SLC12A8: variants seen among roughly 807,000 people sequenced by gnomAD.
SLC12A8 encodes the protein cation-chloride cotransporter 9.
In SLC12A8, 69 loss-of-function variants were observed where a neutral mutation model predicts 75.6. That is an observed-to-expected ratio of 0.91 (90% CI 0.75 to 1.11). SLC12A8 has a LOEUF of 1.11. Ranked by LOEUF, SLC12A8 falls within the 50% of genes most tolerant of loss-of-function variation. The probability of loss-of-function intolerance (pLI) is 0.00; values close to 1 mark genes in which losing one functional copy is unlikely to be tolerated. For missense variants in SLC12A8, 877 were observed against 896.7 expected (o/e 0.98, Z 0.28); for synonymous variants, 365 against 372.8 (o/e 0.98, Z 0.24).
intron 5 of SLC12A8, among the ~76,000 whole-genome samples, chr3:125,169,984 A>G (rs890097779): frequency 6.9e-6 from 1 of 145,072 alleles, no homozygotes; most frequent in Non-Finnish European, 1.5e-5. Context: ...TAGAAAGCAA[A>G]AACAGGGAAA....
chr3:125,178,064 C>G, intron 4 of SLC12A8, 90 bp from the exon 5 acceptor site: 1 of 1,044,916 alleles, frequency 9.6e-7, no homozygotes, highest in Non-Finnish European at 1.4e-6. Flanking sequence ...CCCTGCACCC[C>G]CATCGGACAC....
intron 5 of SLC12A8, among the ~76,000 whole-genome samples, chr3:125,140,821 G>A (rs1933612968): frequency 6.6e-6 from 1 of 152,060 alleles, no homozygotes; most frequent in African/African-American, 2.4e-5. Flanking sequence ...CCAGCCTCGA[G>A]CAACCCTCCC....
In SLC12A8 at chr3:125,118,866, C is replaced by A. The variant is rs780965237; in HGVS notation, c.825-10G>T. Reference sequence around the variant, plus strand: ...GATGTACAGAAACCACCTGCAAAACCCAAGAGCAGAACAGAGCTGCCCCCG... The same window carrying A: ...GATGTACAGAAACCACCTGCAAAACACAAGAGCAGAACAGAGCTGCCCCCG... On this transcript the variant is annotated splice_polypyrimidine_tract_variant and intron_variant, in intron 7 of 13. Transcript: ENST00000469902. 1 of 1,602,830 alleles carries A rather than the reference C, an allele frequency of 6.2e-7. No homozygotes were observed.
chr3:125,083,839 G>A lies in SLC12A8; in HGVS notation c.*51C>T, dbSNP rs1391748116. On this transcript the variant is annotated 3_prime_UTR_variant, in exon 14 of 14. Coordinates refer to ENST00000469902, the MANE Select transcript of SLC12A8 (RefSeq NM_024628.6). ...CAGCTCCACGAAGGTCCTGAGCTTG[G>A]GTCCACTGTACATGGGACAGCTCCA... is the stretch of plus-strand genomic sequence containing the variant. The A allele has an allele frequency of 5.1e-6, 8 of 1,562,714 alleles. 1 individual carries two copies. Among genetic ancestry groups the A allele is most frequent in the South Asian group, 4.7e-5 (4 of 84,934 alleles).
chr3:125,190,103 T>A (rs1413119860), intron 3 of SLC12A8, among the ~76,000 whole-genome samples: 1 of 152,224 alleles, frequency 6.6e-6, no homozygotes, highest in Admixed American at 6.5e-5. Flanking sequence ...CTGACCCATC[T>A]CAAGTCCGGC....
At chr3:125,099,967 A>G (rs111955350) in intron 10 of SLC12A8, among the ~76,000 whole-genome samples, 10,396 of 152,256 alleles carry the variant, frequency 0.068, 553 homozygotes, top group African/African-American at 0.15. Flanking sequence ...ATAAAAAAGA[A>G]CCAAATGAAA....
chr3:125,187,549 G>A (rs1333177704), intron 3 of SLC12A8, 121 bp from the exon 4 acceptor site: 2 of 860,670 alleles, frequency 2.3e-6, no homozygotes, highest in South Asian at 1.6e-5. Context: ...AGGGGTGGGG[G>A]CACAGAGTCA....
At chr3:125,123,371 G>GAA (rs34868769) in intron 6 of SLC12A8, among the ~76,000 whole-genome samples, 5 of 103,938 alleles carry the variant, frequency 4.8e-5, no homozygotes, top group Non-Finnish European at 3.8e-5. Context: ...TCCATCTCAG[G>GAA]AAAAAAAAAA....
intron 10 of SLC12A8, among the ~76,000 whole-genome samples, chr3:125,104,609 A>C (rs972863463): frequency 2.0e-5 from 3 of 152,118 alleles, no homozygotes; most frequent in East Asian, 1.9e-4. Flanking sequence ...TTGCTACCTT[A>C]TCTCTCCTTC....
chr3:125,198,523 C>T (rs1423495671), intron 2 of SLC12A8, among the ~76,000 whole-genome samples: 4 of 152,066 alleles, frequency 2.6e-5, no homozygotes, highest in African/African-American at 9.7e-5. Flanking sequence ...ATCCCAGCTA[C>T]TCGGGAGGCT....
chr3:125,194,739 C>T (rs1018415741), intron 2 of SLC12A8, among the ~76,000 whole-genome samples: 3 of 152,226 alleles, frequency 2.0e-5, no homozygotes, highest in African/African-American at 7.2e-5. Context: ...GGAAGCAAGA[C>T]CCAGCCTGCC....
chr3:125,187,512 T>A, intron 3 of SLC12A8, 84 bp from the exon 4 acceptor site: 1 of 1,272,502 alleles, frequency 7.9e-7, no homozygotes, highest in Non-Finnish European at 1.1e-6. Context: ...CCACCTCCCC[T>A]CCTCCCACAG....
At chr3:125,169,770 C>A (rs911855307) in intron 5 of SLC12A8, among the ~76,000 whole-genome samples, 7 of 152,164 alleles carry the variant, frequency 4.6e-5, no homozygotes, top group African/African-American at 1.7e-4. Context: ...CAGTTTGCCA[C>A]CAATCACCCT....
intron 2 of SLC12A8, among the ~76,000 whole-genome samples, chr3:125,199,563 C>G (rs1225746002): frequency 1.4e-5 from 2 of 146,160 alleles, no homozygotes; most frequent in Non-Finnish European, 3.0e-5. Context: ...GCAACATAAT[C>G]AAACCCCTTC....
chr3:125,211,457 C>A, intron 1 of SLC12A8, 63 bp from the exon 2 acceptor site: 1 of 887,376 alleles, frequency 1.1e-6, no homozygotes, highest in South Asian at 1.3e-5. Flanking sequence ...TGTTGTCCAT[C>A]CTTTCTCTCT....
chr3:125,120,288 C>G (rs988795872), intron 7 of SLC12A8, among the ~76,000 whole-genome samples: 4 of 148,044 alleles, frequency 2.7e-5, no homozygotes, highest in Non-Finnish European at 6.0e-5. Flanking sequence ...AAAAAAATCC[C>G]CAAGTTCAAA....
In SLC12A8 at chr3:125,118,708, G is replaced by A. The variant is rs1239659602; in HGVS notation, c.912+61C>T. Reference sequence around the variant, plus strand: ...GCAAGGGGAAGGTGGCCATTTGTTGGTGAGAACAAATAAATGACTCCGGCA... The same window carrying A: ...GCAAGGGGAAGGTGGCCATTTGTTGATGAGAACAAATAAATGACTCCGGCA... On this transcript the variant is annotated intron_variant, in intron 8 of 13. Coordinates refer to ENST00000469902, the MANE Select transcript of SLC12A8 (RefSeq NM_024628.6). 22 of 1,264,468 alleles carry A rather than the reference G, an allele frequency of 1.7e-5. 1 individual carries two copies. Among genetic ancestry groups the A allele is most frequent in the African/African-American group, 5.9e-5 (4 of 67,784 alleles). The allele number at this position is 1,264,468 out of a possible 1,614,324, so 78.3% of individuals were successfully genotyped here.
At chr3:125,207,258 A>G (rs2107805860) in intron 2 of SLC12A8, among the ~76,000 whole-genome samples, 1 of 152,298 alleles carries the variant, frequency 6.6e-6, no homozygotes, top group East Asian at 1.9e-4. Context: ...AAAAGGGTCC[A>G]CATGGACCCA....
chr3:125,126,104 T>C, intron 6 of SLC12A8: 1 of 168,496 alleles, frequency 5.9e-6, no homozygotes, highest in Non-Finnish European at 1.2e-5. Context: ...GTGACTTAGG[T>C]AAACAGCTTC....
Sources: allele counts gnomAD v4.1 joint callset (sites outside exome capture counted in the v4.1 genomes callset), GRCh38; gene constraint gnomAD v4.1.1; transcripts MANE v1.5; gene names NCBI Gene and HGNC (gene_info 2026-07-23, HGNC 2026-07-21).